Variants in ROR2 observed in about 807,000 individuals in gnomAD.
The protein encoded by ROR2 is tyrosine-protein kinase transmembrane receptor ROR2.
Under a neutral mutation model 74.9 loss-of-function variants are expected in ROR2, and 33 were observed. That is an observed-to-expected ratio of 0.44 (90% CI 0.33 to 0.59). The LOEUF (loss-of-function observed/expected upper bound fraction) is 0.59, where lower values mean the gene tolerates loss of function less well. Ranked by LOEUF, ROR2 falls within the 20% of genes least tolerant of loss-of-function variation. The pLI is 0.02. For synonymous variants in ROR2, 586 were observed against 558.7 expected (o/e 1.05, Z -0.69); for missense variants, 1,216 against 1,313.8 (o/e 0.93, Z 1.15).
chr9:91,799,936 C>T lies in ROR2; in HGVS notation c.98-24118G>A, dbSNP rs143131023. ...CAGGGTCCACCAAACAGCAAGGCCA[C>T]AGCTGAGGAGTGAAGGGAGACACAT... On this transcript the variant is annotated intron_variant, in intron 1 of 8. Transcript: ENST00000375708. Among the ~76,000 whole-genome samples the T allele has an allele frequency of 1.6e-3, 245 of 152,348 alleles. 3 individuals are homozygous for T. The highest frequency in any genetic ancestry group is 1.6e-3 in the Admixed American group (25 of 15,302).
intron 1 of ROR2, among the ~76,000 whole-genome samples, chr9:91,915,150 G>A (rs374284781): frequency 3.3e-5 from 5 of 152,090 alleles, no homozygotes; most frequent in East Asian, 3.9e-4. Flanking sequence ...GCAGCTGGTC[G>A]GAGTTGTCAT....
intron 1 of ROR2, among the ~76,000 whole-genome samples, chr9:91,847,087 G>A (rs1828956212): frequency 6.6e-6 from 1 of 152,146 alleles, no homozygotes; most frequent in South Asian, 2.1e-4. Flanking sequence ...GGGAAATGGG[G>A]GAAGATGGAG....
At chr9:91,799,619 G>C (rs1827307754) in intron 1 of ROR2, among the ~76,000 whole-genome samples, 1 of 152,198 alleles carries the variant, frequency 6.6e-6, no homozygotes, top group South Asian at 2.1e-4. Flanking sequence ...GCCAAGGCAG[G>C]AAACACAGCT....
chr9:91,769,682 G>A (rs945414834), intron 2 of ROR2, among the ~76,000 whole-genome samples: 7 of 151,988 alleles, frequency 4.6e-5, no homozygotes, highest in South Asian at 2.1e-4. Context: ...TTGCCCCTAC[G>A]TCCTCTCTCA....
chr9:91,940,373 A>G (rs1335380035), intron 1 of ROR2, among the ~76,000 whole-genome samples: 1 of 152,240 alleles, frequency 6.6e-6, no homozygotes, highest in African/African-American at 2.4e-5. Context: ...TGAAAAATAT[A>G]CAGCGGTTCA....
At chr9:91,881,464 G>C (rs141327653) in intron 1 of ROR2, among the ~76,000 whole-genome samples, 73 of 152,272 alleles carry the variant, frequency 4.8e-4, no homozygotes, top group African/African-American at 1.8e-3. Context: ...GTTAGTGTAT[G>C]GTAAAATCAG....
chr9:91,853,226 G>T (rs1300925237), intron 1 of ROR2, among the ~76,000 whole-genome samples: 1 of 152,186 alleles, frequency 6.6e-6, no homozygotes, highest in African/African-American at 2.4e-5. Flanking sequence ...GGATGGGCCT[G>T]ATCAGAGGGC....
chr9:91,890,841 A>T (rs1830403905), intron 1 of ROR2, among the ~76,000 whole-genome samples: 1 of 152,236 alleles, frequency 6.6e-6, no homozygotes, highest in African/African-American at 2.4e-5. Flanking sequence ...TATGGAGTTA[A>T]CTAGGCCTAT....
rs145134360 is a variant in ROR2, at chr9:91,944,412, G to A, written c.97+5455C>T. 2.5e-3 allele frequency among the ~76,000 whole-genome samples: 378 copies of A among 152,252 alleles called. 2 individuals are homozygous for A. The highest frequency in any genetic ancestry group is 8.6e-3 in the African/African-American group (359 of 41,542). ...AAAAATAATAAAAGGCATCCAAATT[G>A]TAAAGGAAGAAGTAAAATTATGCCT... On this transcript the variant is annotated intron_variant, in intron 1 of 8. Transcript: ENST00000375708.
chr9:91,888,353 T>TG (rs1223049794), intron 1 of ROR2, among the ~76,000 whole-genome samples: 1 of 152,204 alleles, frequency 6.6e-6, no homozygotes, highest in African/African-American at 2.4e-5. Flanking sequence ...CAAACACCAC[T>TG]GCTCAATGGG....
At chr9:91,789,603 T>C (rs1261958936) in intron 1 of ROR2, among the ~76,000 whole-genome samples, 2 of 152,166 alleles carry the variant, frequency 1.3e-5, no homozygotes, top group South Asian at 2.1e-4. Flanking sequence ...TTTTGTATGC[T>C]ACCAAAATTA....
chr9:91,742,296 G>A (rs1220977529), intron 4 of ROR2, among the ~76,000 whole-genome samples: 1 of 152,154 alleles, frequency 6.6e-6, no homozygotes, highest in Non-Finnish European at 1.5e-5. Context: ...CCCGCTACAT[G>A]TGGGTGATTC....
At chr9:91,890,408 T>G (rs912898466) in intron 1 of ROR2, among the ~76,000 whole-genome samples, 1 of 152,224 alleles carries the variant, frequency 6.6e-6, no homozygotes, top group Non-Finnish European at 1.5e-5. Flanking sequence ...TTCTCATACC[T>G]TTTGGGATTT....
intron 1 of ROR2, among the ~76,000 whole-genome samples, chr9:91,946,369 C>T (rs942170121): frequency 6.6e-6 from 1 of 152,188 alleles, no homozygotes; most frequent in Non-Finnish European, 1.5e-5. Flanking sequence ...CCCCGAGGAG[C>T]CCCCAAGGAG....
At chr9:91,899,062 G>T (rs1378393295) in intron 1 of ROR2, among the ~76,000 whole-genome samples, 3 of 152,196 alleles carry the variant, frequency 2.0e-5, no homozygotes, top group African/African-American at 7.2e-5. Flanking sequence ...CGTGTGTCAG[G>T]ACAAACAGCC....
In ROR2 at chr9:91,905,852, A is replaced by G. The variant is rs559056034; in HGVS notation, c.97+44015T>C. Among the ~76,000 whole-genome samples, 4 of 152,206 alleles carry G rather than the reference A, an allele frequency of 2.6e-5. No individual in the cohort carries two copies. Among genetic ancestry groups the G allele is most frequent in the Admixed American group, 2.0e-4 (3 of 15,288 alleles). On this transcript the variant is annotated intron_variant, in intron 1 of 8. Transcript: ENST00000375708. The surrounding 1 kb of genome is among the most constrained non-coding windows in gnomAD (Gnocchi z 5.3). Reference sequence around the variant, plus strand: ...TTTTTTTTTTAAGAGCTAAGAGCAGAGCCTCTCCTGGGGAATTCTTGATCC... The same window carrying G: ...TTTTTTTTTTAAGAGCTAAGAGCAGGGCCTCTCCTGGGGAATTCTTGATCC...
At position 91,896,220 on chromosome 9, in the gene ROR2, A is replaced by G. The variant is rs540549975; in HGVS notation, c.97+53647T>C. Among the ~76,000 whole-genome samples, 8 of 152,242 alleles carry G rather than the reference A, an allele frequency of 5.3e-5. No homozygotes were observed. The East Asian group carries it at 1.5e-3, about 29-fold the overall frequency. ...TGAAAAAGCAGCATCACCCTAGACC[A>G]TCTCTCCTTAGACTGCGTGTCCTTC... On this transcript the variant is annotated intron_variant, in intron 1 of 8. Coordinates refer to ENST00000375708, the MANE Select transcript of ROR2 (RefSeq NM_004560.4).
intron 1 of ROR2, among the ~76,000 whole-genome samples, chr9:91,857,602 T>A (rs1829335204): frequency 6.6e-6 from 1 of 152,140 alleles, no homozygotes; most frequent in African/African-American, 2.4e-5. Context: ...AGGAGTGAGA[T>A]GTTACACACC....
chr9:91,811,207 C>T (rs1359308757), intron 1 of ROR2, among the ~76,000 whole-genome samples: 17 of 152,242 alleles, frequency 1.1e-4, no homozygotes, highest in Admixed American at 1.1e-3. Flanking sequence ...AGGGCCTCTG[C>T]CAGCCCTCCG....
Sources: gnomAD v4.1 joint callset for allele counts (sites outside exome capture counted in the v4.1 genomes callset) on GRCh38, gnomAD v4.1.1 for gene constraint, Gnocchi (gnomAD v3.1) non-coding constraint, MANE v1.5 for transcripts, NCBI Gene and HGNC (gene_info 2026-07-23, HGNC 2026-07-21) for gene names.